The following HS6ST1 variants were observed in gnomAD, a reference collection of about 807,000 sequenced individuals.
HS6ST1 encodes heparan sulfate 6-O-sulfotransferase 1.
Under a neutral mutation model 25.2 loss-of-function variants are expected in HS6ST1, and 3 were observed. That is an observed-to-expected ratio of 0.12 (90% CI 0.05 to 0.31). HS6ST1 has a LOEUF of 0.31. Among genes scored for constraint, HS6ST1 ranks in the 10% least tolerant of loss-of-function variants. The pLI, the probability that HS6ST1 is intolerant of heterozygous loss-of-function variation, is 1.00. For missense variants in HS6ST1, 310 were observed against 609.6 expected, an observed-to-expected ratio of 0.51 and a Z score of 5.18; for synonymous variants, 204 against 275.1, an observed-to-expected ratio of 0.74 and a Z score of 2.56.
intron 1 of HS6ST1, among the ~76,000 whole-genome samples, chr2:128,277,620 G>A (rs1693716030): frequency 6.6e-6 from 1 of 152,244 alleles, no homozygotes; most frequent in African/African-American, 2.4e-5. Context: ...GTGGGTAACA[G>A]GGCAGCTTCT....
At chr2:128,290,815 T>TA (rs1573699539) in intron 1 of HS6ST1, among the ~76,000 whole-genome samples, 1 of 3,490 alleles carries the variant, frequency 2.9e-4, no homozygotes, top group Non-Finnish European at 4.8e-4. Flanking sequence ...CTACTAAAAA[T>TA]ACAAAAAAAA....
At chr2:128,283,879 A>G (rs1256890300) in intron 1 of HS6ST1, among the ~76,000 whole-genome samples, 1 of 152,208 alleles carries the variant, frequency 6.6e-6, no homozygotes, top group African/African-American at 2.4e-5. Flanking sequence ...CTGGGTTAAA[A>G]TGCAACTGAC....
intron 1 of HS6ST1, among the ~76,000 whole-genome samples, chr2:128,294,636 G>A (rs1694011716): frequency 6.6e-6 from 1 of 151,850 alleles, no homozygotes; most frequent in Non-Finnish European, 1.5e-5. Context: ...GTGGGCTACT[G>A]GGCAGTAAAG....
intron 1 of HS6ST1, among the ~76,000 whole-genome samples, chr2:128,288,297 C>T (rs77393951): frequency 0.016 from 2,457 of 152,160 alleles, 35 homozygotes; most frequent in Non-Finnish European, 0.024. Context: ...GGGAGGCTGG[C>T]GGCAGCGTCA....
chr2:128,296,430 C>T (rs1267780148), intron 1 of HS6ST1, among the ~76,000 whole-genome samples: 2 of 152,234 alleles, frequency 1.3e-5, no homozygotes, highest in Non-Finnish European at 2.9e-5. Flanking sequence ...TATCTCTCTT[C>T]TCAGATGACA....
At chr2:128,286,961 C>A (rs770942960) in intron 1 of HS6ST1, among the ~76,000 whole-genome samples, 10 of 152,210 alleles carry the variant, frequency 6.6e-5, no homozygotes, top group Non-Finnish European at 1.0e-4. Flanking sequence ...GAGACTCCCA[C>A]CTTCCCCTTG....
intron 1 of HS6ST1, among the ~76,000 whole-genome samples, chr2:128,280,421 G>A (rs1370066177): frequency 6.6e-6 from 1 of 152,162 alleles, no homozygotes; most frequent in African/African-American, 2.4e-5. Flanking sequence ...CAGAGGAGAC[G>A]ACCCGCTCCC....
chr2:128,287,403 C>T (rs1033846621), intron 1 of HS6ST1, among the ~76,000 whole-genome samples: 13 of 152,206 alleles, frequency 8.5e-5, no homozygotes, highest in Non-Finnish European at 1.5e-4. Flanking sequence ...CCCAGCAGGT[C>T]CCCTGACGGG....
intron 1 of HS6ST1, among the ~76,000 whole-genome samples, chr2:128,310,930 T>C (rs1169509612): frequency 5.3e-5 from 8 of 152,126 alleles, no homozygotes; most frequent in Non-Finnish European, 8.8e-5. Context: ...CTGCCCCCCC[T>C]TGCTGTGAGT....
intron 1 of HS6ST1, among the ~76,000 whole-genome samples, chr2:128,296,025 T>A (rs1281876935): frequency 6.6e-6 from 1 of 152,208 alleles, no homozygotes; most frequent in African/African-American, 2.4e-5. Context: ...AGTGGCTTCA[T>A]AAGAGAAGAC....
intron 1 of HS6ST1, among the ~76,000 whole-genome samples, chr2:128,285,066 G>A (rs1693840384): frequency 2.0e-5 from 3 of 152,310 alleles, no homozygotes; most frequent in East Asian, 1.9e-4. Flanking sequence ...GGAAACAGGC[G>A]GCATGCCAGA....
intron 1 of HS6ST1, among the ~76,000 whole-genome samples, chr2:128,276,280 T>G (rs1378340946): frequency 1.3e-5 from 2 of 152,154 alleles, no homozygotes; most frequent in African/African-American, 4.8e-5. Context: ...CGTGGTGGCA[T>G]GCACCACCAC....
At chr2:128,317,903 G>C (rs1018486962) in intron 1 of HS6ST1, 134 bp downstream of exon 1, 1 of 1,089,734 alleles carries the variant, frequency 9.2e-7, no homozygotes, top group Non-Finnish European at 1.2e-6. Context: ...GTCGGGAGGG[G>C]TGCCGGCGAG....
At chr2:128,295,512 C>T (rs1340376639) in intron 1 of HS6ST1, among the ~76,000 whole-genome samples, 1 of 152,230 alleles carries the variant, frequency 6.6e-6, no homozygotes, top group African/African-American at 2.4e-5. Context: ...AGAATACTTC[C>T]TAACTCATTC....
chr2:128,285,738 C>T (rs943750497), intron 1 of HS6ST1, among the ~76,000 whole-genome samples: 1 of 152,226 alleles, frequency 6.6e-6, no homozygotes, highest in Non-Finnish European at 1.5e-5. Context: ...GGTGTCCCTG[C>T]CTGCCAGTTA....
chr2:128,289,843 TAGAG>T (rs1193438456), intron 1 of HS6ST1: 7 of 152,154 alleles, frequency 4.6e-5, no homozygotes. Flanking sequence ...ATGTAAGAGA[TAGAG>T]AGAGGATAGC....
rs577558334 is a variant in HS6ST1 at position 128,310,301 on chromosome 2, T to TC, written c.527+7735dup. Among the ~76,000 whole-genome samples the TC allele has an allele frequency of 3.8e-3, 575 of 151,968 alleles. 3 individuals carry two copies. The highest frequency in any genetic ancestry group is 0.014 in the African/African-American group (566 of 41,426). On this transcript the variant is annotated intron_variant, in intron 1 of 1. Coordinates refer to ENST00000259241, the MANE Select transcript of HS6ST1 (RefSeq NM_004807.3). Reference sequence around the variant, plus strand: ...TTGCGGCGTGTCACCCCCACAGGCATCCCCCCGCAGTGAGCTGGGCCCCAG... The same window carrying TC: ...TTGCGGCGTGTCACCCCCACAGGCATCCCCCCCGCAGTGAGCTGGGCCCCAG...
intron 1 of HS6ST1, among the ~76,000 whole-genome samples, chr2:128,286,044 T>C (rs1309079780): frequency 1.3e-5 from 2 of 152,180 alleles, no homozygotes; most frequent in Non-Finnish European, 2.9e-5. Context: ...ACTGTCTCCA[T>C]AAAACTCGTA....
chr2:128,307,726 C>T (rs1009912760), intron 1 of HS6ST1, among the ~76,000 whole-genome samples: 10 of 152,206 alleles, frequency 6.6e-5, no homozygotes, highest in Non-Finnish European at 1.5e-5. Context: ...GTCCCATTTC[C>T]TGGCTCCTGG....
Sources: allele counts gnomAD v4.1 joint callset (sites outside exome capture counted in the v4.1 genomes callset), GRCh38; gene constraint gnomAD v4.1.1; transcripts MANE v1.5; gene names NCBI Gene and HGNC (gene_info 2026-07-23, HGNC 2026-07-21).